DNAJC6: variants seen among roughly 807,000 people sequenced by gnomAD.
DNAJC6 encodes DnaJ heat shock protein family (Hsp40) member C6.
In DNAJC6, 34 loss-of-function variants were observed where a neutral mutation model predicts 110.0. That is an observed-to-expected ratio of 0.31 (90% confidence interval 0.24 to 0.41). DNAJC6 has a LOEUF of 0.41. Ranked by LOEUF, DNAJC6 falls within the 10% of genes least tolerant of loss-of-function variation. The pLI, the probability that DNAJC6 is intolerant of heterozygous loss-of-function variation, is 1.00. For synonymous variants in DNAJC6, 406 were observed against 437.2 expected, an observed-to-expected ratio of 0.93 and a Z score of 0.89; for missense variants, 1,031 against 1,207.8, an observed-to-expected ratio of 0.85 and a Z score of 2.17.
chr1:65,412,854 C>T, intron 18 of DNAJC6, 70 bp from the exon 19 acceptor site: 1 of 1,240,212 alleles, frequency 8.1e-7, no homozygotes, highest in Non-Finnish European at 1.2e-6. Context: ...CATATATTGG[C>T]AGTGAAAAAT....
intron 18 of DNAJC6, among the ~76,000 whole-genome samples, chr1:65,411,730 G>A (rs942120446): frequency 4.9e-4 from 75 of 152,026 alleles, no homozygotes; most frequent in East Asian, 1.9e-4. Flanking sequence ...GCACTTTGGG[G>A]GGGGCAGGGT....
intron 4 of DNAJC6, among the ~76,000 whole-genome samples, chr1:65,373,351 C>A (rs1485549336): frequency 1.3e-5 from 2 of 151,848 alleles, no homozygotes; most frequent in Non-Finnish European, 2.9e-5. Context: ...TCATATGGAA[C>A]CTTCATACTG....
chr1:65,347,350 C>T (rs1310691888), intron 1 of DNAJC6, among the ~76,000 whole-genome samples: 12 of 151,454 alleles, frequency 7.9e-5, no homozygotes, highest in Admixed American at 6.6e-5. Flanking sequence ...GTTAATCATA[C>T]TGCTTTGCAG....
chr1:65,397,410 G>A (rs1248892779), intron 13 of DNAJC6, among the ~76,000 whole-genome samples: 2 of 152,222 alleles, frequency 1.3e-5, no homozygotes, highest in Non-Finnish European at 2.9e-5. Flanking sequence ...GGGACATGAT[G>A]TTGGAAGAAC....
At chr1:65,371,266 CT>C (rs1047515656) in intron 4 of DNAJC6, among the ~76,000 whole-genome samples, 1 of 152,096 alleles carries the variant, frequency 6.6e-6, no homozygotes. Context: ...AAAAATTACC[CT>C]AGGTTCACAT....
chr1:65,270,646 A>G (rs556545936), intron 1 of DNAJC6, among the ~76,000 whole-genome samples: 3 of 152,144 alleles, frequency 2.0e-5, no homozygotes, highest in Non-Finnish European at 4.4e-5. Context: ...TTTTTATGCT[A>G]TTGTTACTGC....
intron 1 of DNAJC6, among the ~76,000 whole-genome samples, chr1:65,292,978 A>G (rs1644894080): frequency 6.6e-6 from 1 of 152,188 alleles, no homozygotes; most frequent in Admixed American, 6.5e-5. Context: ...ATCCTACAGC[A>G]GACTAGCTTG....
chr1:65,361,076 G>A (rs2101545371), intron 1 of DNAJC6, among the ~76,000 whole-genome samples: 1 of 152,324 alleles, frequency 6.6e-6, no homozygotes, highest in Admixed American at 6.5e-5. Flanking sequence ...ACAGATATGG[G>A]TTTGAATTGC....
At chr1:65,312,625 G>T (rs1570263693) in intron 1 of DNAJC6, among the ~76,000 whole-genome samples, 1 of 152,158 alleles carries the variant, frequency 6.6e-6, no homozygotes, top group African/African-American at 2.4e-5. Flanking sequence ...ATGATTTAAA[G>T]CTTAGTCTTA....
chr1:65,392,892 C>T, intron 12 of DNAJC6, 27 bp downstream of exon 12: 1 of 1,456,692 alleles, frequency 6.9e-7, no homozygotes, highest in Non-Finnish European at 9.1e-7. Context: ...TGCACTGTGC[C>T]TCTCAGATTT....
chr1:65,313,577 C>T (rs1034049783), intron 1 of DNAJC6, among the ~76,000 whole-genome samples: 3 of 152,152 alleles, frequency 2.0e-5, no homozygotes, highest in African/African-American at 7.2e-5. Flanking sequence ...TCTTCTGACT[C>T]AAAGGTTTGA....
At chr1:65,333,188 T>C (rs1349482811) in intron 1 of DNAJC6, among the ~76,000 whole-genome samples, 1 of 152,134 alleles carries the variant, frequency 6.6e-6, no homozygotes, top group Non-Finnish European at 1.5e-5. Flanking sequence ...ATCCCCCAAA[T>C]TAATAGTGGG....
At chr1:65,361,280 G>T (rs1307954916) in intron 1 of DNAJC6, among the ~76,000 whole-genome samples, 3 of 152,140 alleles carry the variant, frequency 2.0e-5, no homozygotes, top group Non-Finnish European at 2.9e-5. Context: ...ATTAATGTTT[G>T]TCCATATGTC....
At chr1:65,350,342 T>C (rs1645479256) in intron 1 of DNAJC6, among the ~76,000 whole-genome samples, 1 of 152,230 alleles carries the variant, frequency 6.6e-6, no homozygotes, top group Non-Finnish European at 1.5e-5. Flanking sequence ...TATTTTCTTC[T>C]TCTTTTTAAA....
intron 4 of DNAJC6, among the ~76,000 whole-genome samples, chr1:65,370,933 G>C (rs922624063): frequency 1.3e-5 from 2 of 152,096 alleles, no homozygotes; most frequent in Non-Finnish European, 2.9e-5. Context: ...TGGAGTGGGA[G>C]AAGTTTATAG....
chr1:65,287,289 T>TA (rs891256366), intron 1 of DNAJC6, among the ~76,000 whole-genome samples: 2 of 152,208 alleles, frequency 1.3e-5, no homozygotes, highest in Admixed American at 1.3e-4. Flanking sequence ...AGTGGTAATG[T>TA]AAAAACATTG....
At chr1:65,395,323 A>G (rs961839810) in intron 13 of DNAJC6, among the ~76,000 whole-genome samples, 2 of 152,124 alleles carry the variant, frequency 1.3e-5, no homozygotes, top group East Asian at 3.8e-4. Context: ...TGTAGGACAT[A>G]TGATTATTTT....
At chr1:65,409,829 A>G (rs1248286300) in intron 17 of DNAJC6, among the ~76,000 whole-genome samples, 4 of 152,190 alleles carry the variant, frequency 2.6e-5, no homozygotes, top group African/African-American at 9.7e-5. Flanking sequence ...TTTTCCTCAA[A>G]TCAAATCAAC....
At chr1:65,407,733 A>T (rs1208556337) in intron 16 of DNAJC6, among the ~76,000 whole-genome samples, 1 of 152,210 alleles carries the variant, frequency 6.6e-6, no homozygotes, top group African/African-American at 2.4e-5. Context: ...TGTAGAAAAC[A>T]TTGAGGATGC....
Sources: gnomAD v4.1 joint callset for allele counts (sites outside exome capture counted in the v4.1 genomes callset) on GRCh38, gnomAD v4.1.1 for gene constraint, MANE v1.5 for transcripts, NCBI Gene and HGNC (gene_info 2026-07-23, HGNC 2026-07-21) for gene names.